Variants in CAPN8 observed in about 807,000 individuals in gnomAD.
CAPN8 encodes calpain-8.
A neutral mutation model predicts 80.9 loss-of-function variants in CAPN8; 87 were observed. The ratio of observed to expected loss-of-function variants is 1.07; its 90% CI spans 0.90 to 1.28. The LOEUF (loss-of-function observed/expected upper bound fraction) is 1.28, where lower values mean the gene tolerates loss of function less well. Ranked by LOEUF, CAPN8 falls within the 50% of genes most tolerant of loss-of-function variation. CAPN8 has a pLI of 0.00. For missense variants in CAPN8, 757 were observed against 702.0 expected (o/e 1.08, Z -0.89); for synonymous variants, 299 against 273.8 (o/e 1.09, Z -0.91).
chr1:223,627,904 G>A (rs1025230377), intron 4 of CAPN8, 105 bp downstream of exon 4: 26 of 1,328,094 alleles, frequency 2.0e-5, no homozygotes, highest in African/African-American at 8.9e-5. Context: ...TGGGAAAGAC[G>A]CCATGACGCC....
At chr1:223,639,443 G>A (rs1413476760) in intron 2 of CAPN8, among the ~76,000 whole-genome samples, 1 of 152,198 alleles carries the variant, frequency 6.6e-6, no homozygotes, top group African/African-American at 2.4e-5. Flanking sequence ...TAATCGGGAA[G>A]CCATCAGGCT....
chr1:223,609,978 G>A (rs1174705111), intron 11 of CAPN8, among the ~76,000 whole-genome samples: 3 of 152,204 alleles, frequency 2.0e-5, no homozygotes, highest in African/African-American at 4.8e-5. Flanking sequence ...CTCAACAGGC[G>A]ACGATGCTCT....
chr1:223,630,365 C>A (rs774532150), intron 2 of CAPN8, among the ~76,000 whole-genome samples: 30 of 152,136 alleles, frequency 2.0e-4, no homozygotes, highest in Admixed American at 2.0e-4. Flanking sequence ...GAGACAGGGT[C>A]TTGCTCTGTT....
intron 16 of CAPN8, among the ~76,000 whole-genome samples, chr1:223,547,223 T>A (rs1378737227): frequency 1.3e-5 from 2 of 152,064 alleles, no homozygotes; most frequent in African/African-American, 2.4e-5. Flanking sequence ...ATTTTTAAAA[T>A]TTTTTTTCTA....
intron 2 of CAPN8, among the ~76,000 whole-genome samples, chr1:223,635,558 T>C (rs1048747375): frequency 2.6e-5 from 4 of 152,152 alleles, no homozygotes; most frequent in Non-Finnish European, 5.9e-5. Context: ...TCTTACTGAC[T>C]GAATTCACCT....
rs375306859 is a variant in CAPN8 at position 223,544,846 on chromosome 1, A to G, written c.1838T>C (p.Ile613Thr). ...GTGGTTATAATCAGTTTCCCAATAG[A>G]TCTCCTAAAGCAGGAAAGAAATCCC... Reference protein sequence around the residue: ...LWLKIQKYLEIYWETDYNHSG... With the variant: ...LWLKIQKYLETYWETDYNHSG... The change falls in exon 18 of 21, where the codon ATC (isoleucine) becomes ACC (threonine). Residue 613 changes from isoleucine to threonine, a missense_variant. Physicochemically the swap from Ile to Thr is moderately conservative, Grantham distance 89. Coordinates refer to ENST00000366872, the MANE Select transcript of CAPN8 (RefSeq NM_001143962.2). The G allele has an allele frequency of 1.3e-6, 2 of 1,551,616 alleles. No individual in the cohort carries two copies. Among genetic ancestry groups the G allele is most frequent in the African/African-American group, 1.4e-5 (1 of 73,140 alleles).
intron 1 of CAPN8, among the ~76,000 whole-genome samples, chr1:223,654,952 G>A (rs888113845): frequency 6.7e-6 from 1 of 150,066 alleles, no homozygotes; most frequent in South Asian, 2.1e-4. Context: ...GCCTCCCAAA[G>A]TGCTGGGATT....
At chr1:223,656,340 G>T (rs1015031795) in intron 1 of CAPN8, among the ~76,000 whole-genome samples, 3 of 151,816 alleles carry the variant, frequency 2.0e-5, no homozygotes, top group Non-Finnish European at 4.4e-5. Context: ...ATGGTGGTGC[G>T]CCCCCGTAAT....
intron 2 of CAPN8, among the ~76,000 whole-genome samples, chr1:223,631,304 T>C (rs1255982077): frequency 2.0e-5 from 3 of 152,038 alleles, no homozygotes; most frequent in Non-Finnish European, 4.4e-5. Context: ...TCTTGCAGAG[T>C]TATCACAAGC....
At chr1:223,654,307 T>G in intron 2 of CAPN8, 23 bp downstream of exon 2, 2 of 1,550,382 alleles carry the variant, frequency 1.3e-6, no homozygotes, top group African/African-American at 2.7e-5. Flanking sequence ...CCAAAACAAA[T>G]AAGACTCTCC....
chr1:223,650,931 G>C (rs1265382194), intron 2 of CAPN8, among the ~76,000 whole-genome samples: 1 of 152,218 alleles, frequency 6.6e-6, no homozygotes, highest in Non-Finnish European at 1.5e-5. Context: ...GCAAGGGAGA[G>C]AGACTGTGCT....
intron 2 of CAPN8, among the ~76,000 whole-genome samples, chr1:223,629,410 A>G (rs530394507): frequency 5.4e-4 from 82 of 152,330 alleles, no homozygotes; most frequent in African/African-American, 2.0e-3. Flanking sequence ...AGAAGAAATA[A>G]AAGTCAAGAG....
intron 11 of CAPN8, 77 bp downstream of exon 11, chr1:223,612,169 C>T (rs35116708): frequency 0.63 from 737,292 of 1,173,222 alleles, 232,645 homozygotes; most frequent in Non-Finnish European, 0.64. Context: ...AGGAAACAGA[C>T]GCTGCTGGCT....
Position 223,541,756 on chromosome 1 carries a change from A to G in CAPN8, c.*80T>C. ...ACCAGTGAATGCCACTGGAGCATAA[A>G]TGTTCACAAAATTGTAGAGAAGGGG... On this transcript the variant is annotated 3_prime_UTR_variant, in exon 21 of 21. Transcript: ENST00000366872. 1 of 1,549,196 alleles carries G rather than the reference A, an allele frequency of 6.5e-7. No homozygotes were observed.
At chr1:223,627,642 C>T (rs1657628960) in intron 4 of CAPN8, among the ~76,000 whole-genome samples, 1 of 152,178 alleles carries the variant, frequency 6.6e-6, no homozygotes, top group African/African-American at 2.4e-5. Flanking sequence ...AGAGCAGACA[C>T]TTTGTTGAGT....
Position 223,619,364 on chromosome 1 carries a change from T to G in CAPN8, c.1064A>C (p.Lys355Thr), listed in dbSNP as rs900946933. Residue 355 changes from lysine (K) to threonine (T), a missense_variant, in exon 9 of 21, where the codon AAA becomes ACA. Physicochemically the swap from Lys to Thr is moderately conservative, Grantham distance 78 (BLOSUM62 -1). Coordinates refer to ENST00000366872, the MANE Select transcript of CAPN8 (RefSeq NM_001143962.2). ...GCCGTTGAACAGGACCAGGTTCCAT[T>G]TGTGCACCTCCTCGCTACTCAGAGA... ...PDSLSSEEVHKWNLVLFNGHW... is the reference protein window; with the variant it reads ...PDSLSSEEVHTWNLVLFNGHW... 3 of 1,551,482 alleles carry G rather than the reference T, an allele frequency of 1.9e-6. No homozygotes were observed. The highest frequency in any genetic ancestry group is 4.9e-5 in the East Asian group (2 of 40,922).
At chr1:223,650,484 A>G (rs150918231) in intron 2 of CAPN8, among the ~76,000 whole-genome samples, 2 of 152,322 alleles carry the variant, frequency 1.3e-5, no homozygotes, top group South Asian at 4.1e-4. Flanking sequence ...CTTTTCTGAG[A>G]TCTGTAAAAC....
intron 14 of CAPN8, among the ~76,000 whole-genome samples, chr1:223,552,090 A>G (rs1252990905): frequency 1.3e-5 from 2 of 152,132 alleles, no homozygotes; most frequent in Non-Finnish European, 2.9e-5. Context: ...CCCAGTCTCA[A>G]CTCAGCCCCT....
chr1:223,662,202 C>A (rs543121396), intron 1 of CAPN8, among the ~76,000 whole-genome samples: 1 of 152,264 alleles, frequency 6.6e-6, no homozygotes, highest in African/African-American at 2.4e-5. Context: ...AATCCCAGCA[C>A]TTTGGGAGGC....
Sources: allele counts gnomAD v4.1 joint callset (sites outside exome capture counted in the v4.1 genomes callset), GRCh38; gene constraint gnomAD v4.1.1; transcripts MANE v1.5; gene names NCBI Gene and HGNC (gene_info 2026-07-23, HGNC 2026-07-21).